Variants in GAD2 observed in about 807,000 individuals in gnomAD.
The protein encoded by GAD2 is glutamate decarboxylase 2.
GAD2 carries 22 observed loss-of-function variants against 80.1 expected under a neutral mutation model. The observed-to-expected ratio is 0.27, with a 90% CI of 0.20 to 0.39. The LOEUF is 0.39. Ranked by LOEUF, GAD2 falls within the 10% of genes least tolerant of loss-of-function variation. The pLI is 1.00. For synonymous variants in GAD2, 274 were observed against 256.9 expected, an observed-to-expected ratio of 1.07 and a Z score of -0.64; for missense variants, 624 against 738.4, an observed-to-expected ratio of 0.85 and a Z score of 1.80.
intron 4 of GAD2, among the ~76,000 whole-genome samples, chr10:26,222,104 G>T (rs930638701): frequency 6.6e-6 from 1 of 152,192 alleles, no homozygotes; most frequent in African/African-American, 2.4e-5. Flanking sequence ...TGAAATTTTT[G>T]AGGCAGGAGA....
At chr10:26,218,941 T>C (rs972029170) in intron 3 of GAD2, 102 bp from the exon 4 acceptor site, 4 of 861,846 alleles carry the variant, frequency 4.6e-6, no homozygotes, top group African/African-American at 3.5e-5. Context: ...TTATCTAACA[T>C]GAAATCTCTC....
chr10:26,234,032 C>T (rs551958278), intron 7 of GAD2, among the ~76,000 whole-genome samples: 80 of 152,066 alleles, frequency 5.3e-4, no homozygotes, highest in African/African-American at 1.9e-3. Flanking sequence ...CTTTAAAAAA[C>T]AACAACCTCA....
chr10:26,268,942 G>C (rs1005982146), intron 8 of GAD2, among the ~76,000 whole-genome samples, 177 bp from the exon 9 acceptor site: 2 of 152,198 alleles, frequency 1.3e-5, no homozygotes, highest in African/African-American at 4.8e-5. Flanking sequence ...AGAAATGATA[G>C]TCATGCCTCA....
At chr10:26,295,372 T>C (rs759284833) in intron 15 of GAD2, among the ~76,000 whole-genome samples, 4 of 152,152 alleles carry the variant, frequency 2.6e-5, no homozygotes, top group Admixed American at 6.5e-5. Context: ...GAAATGAAAA[T>C]AGAACCACAT....
intron 8 of GAD2, among the ~76,000 whole-genome samples, chr10:26,260,318 T>G (rs772253469): frequency 6.6e-6 from 1 of 152,168 alleles, no homozygotes; most frequent in Non-Finnish European, 1.5e-5. Context: ...TTTGCACATA[T>G]CCTTGTATTA....
At chr10:26,267,239 G>C (rs138224899) in intron 8 of GAD2, among the ~76,000 whole-genome samples, 1 of 152,282 alleles carries the variant, frequency 6.6e-6, no homozygotes, top group East Asian at 1.9e-4. Context: ...CTCACTCTCA[G>C]TTTTCTTGTT....
intron 12 of GAD2, among the ~76,000 whole-genome samples, chr10:26,282,050 C>T: frequency 6.6e-6 from 1 of 152,078 alleles, no homozygotes; most frequent in African/African-American, 2.4e-5. Context: ...TCAAGCGATT[C>T]TCATATCTCA....
At chr10:26,236,424 C>T (rs1302118803) in intron 7 of GAD2, among the ~76,000 whole-genome samples, 1 of 152,028 alleles carries the variant, frequency 6.6e-6, no homozygotes, top group Non-Finnish European at 1.5e-5. Context: ...CCTCAGCCTC[C>T]CAAGTAGCTG....
At chr10:26,286,810 T>C (rs1845338546) in intron 13 of GAD2, among the ~76,000 whole-genome samples, 1 of 152,222 alleles carries the variant, frequency 6.6e-6, no homozygotes, top group South Asian at 2.1e-4. Context: ...GTCTGCTAAC[T>C]TGGTTTTTAC....
At chr10:26,234,248 C>T (rs953793456) in intron 7 of GAD2, among the ~76,000 whole-genome samples, 4 of 150,850 alleles carry the variant, frequency 2.7e-5, no homozygotes, top group East Asian at 3.9e-4. Flanking sequence ...CACTGGAACC[C>T]GGGAGGCAGA....
intron 4 of GAD2, among the ~76,000 whole-genome samples, chr10:26,220,489 A>G (rs1052456085): frequency 2.6e-5 from 4 of 152,234 alleles, no homozygotes; most frequent in Admixed American, 2.0e-4. Flanking sequence ...GCCTTGGGAC[A>G]TAGATTTCTA....
Position 26,292,509 on chromosome 10 carries a change from G to A in GAD2, c.1431G>A (p.Leu477=), listed in dbSNP as rs1418155571. The A allele has an allele frequency of 6.2e-7, 1 of 1,614,060 alleles. No homozygotes were observed. The highest frequency in any genetic ancestry group is 1.7e-5 in the Admixed American group (1 of 60,022). ...FEAHVDKCLE[L]AEYLYNIIKN... Reference sequence around the variant, plus strand: ...CGCATGTTGATAAATGTTTGGAGTTGGCAGAGTATTTATACAACATCATAA... The same window carrying A: ...CGCATGTTGATAAATGTTTGGAGTTAGCAGAGTATTTATACAACATCATAA... The change falls in exon 14 of 16, where the codon TTG becomes TTA. Residue 477 remains leucine, a synonymous_variant. Coordinates refer to ENST00000376261, the MANE Select transcript of GAD2 (RefSeq NM_001134366.2).
intron 4 of GAD2, 107 bp from the exon 5 acceptor site, chr10:26,223,780 T>C (rs1844484167): frequency 1.5e-6 from 1 of 682,004 alleles, no homozygotes; most frequent in African/African-American, 1.8e-5. Context: ...ATGGATTTCC[T>C]GTTACTGACA....
intron 15 of GAD2, among the ~76,000 whole-genome samples, chr10:26,295,508 G>GCACGCACA (rs1554853882): frequency 1.5e-5 from 2 of 133,822 alleles, no homozygotes; most frequent in East Asian, 4.5e-4. Context: ...TCATACGCAT[G>GCACGCACA]CACACACACA....
intron 7 of GAD2, among the ~76,000 whole-genome samples, chr10:26,243,472 G>C (rs117825905): frequency 0.017 from 2,650 of 152,300 alleles, 36 homozygotes; most frequent in Non-Finnish European, 0.029. Context: ...CTTTTGGACA[G>C]CTTAATGATG....
intron 7 of GAD2, among the ~76,000 whole-genome samples, chr10:26,245,078 G>A (rs7911393): frequency 9.9e-5 from 15 of 151,748 alleles, no homozygotes; most frequent in East Asian, 5.8e-4. Context: ...ACTGGAACCC[G>A]GGAGGCAGGG....
At chr10:26,294,692 G>T (rs1399478315) in intron 15 of GAD2, among the ~76,000 whole-genome samples, 1 of 152,196 alleles carries the variant, frequency 6.6e-6, no homozygotes, top group Admixed American at 6.5e-5. Context: ...GGCTGTGGTT[G>T]TGTTTGATGA....
At chr10:26,231,220 G>A (rs1367242586) in intron 7 of GAD2, among the ~76,000 whole-genome samples, 2 of 152,196 alleles carry the variant, frequency 1.3e-5, no homozygotes, top group African/African-American at 4.8e-5. Context: ...GACAGGGAGG[G>A]AGGAAGGGCC....
At chr10:26,277,612 G>C (rs1407789551) in intron 11 of GAD2, among the ~76,000 whole-genome samples, 2 of 152,210 alleles carry the variant, frequency 1.3e-5, no homozygotes, top group African/African-American at 2.4e-5. Context: ...TGCAGGACAG[G>C]AAAGAAGCTG....
Sources: gnomAD v4.1 joint callset for allele counts (sites outside exome capture counted in the v4.1 genomes callset) on GRCh38, gnomAD v4.1.1 for gene constraint, MANE v1.5 for transcripts, NCBI Gene and HGNC (gene_info 2026-07-23, HGNC 2026-07-21) for gene names.